COL19A1: variants seen among roughly 807,000 people sequenced by gnomAD.
COL19A1 encodes the protein collagen type XIX alpha 1 chain, also known as collagen alpha-1(XIX) chain.
In COL19A1, 159 loss-of-function variants were observed where a neutral mutation model predicts 190.2. That is an observed-to-expected ratio of 0.84 (90% confidence interval 0.73 to 0.95). The LOEUF (loss-of-function observed/expected upper bound fraction) is 0.95, where lower values mean the gene tolerates loss of function less well. Ranked by LOEUF, COL19A1 falls within the 40% of genes least tolerant of loss-of-function variation. The probability of loss-of-function intolerance (pLI) is 0.00; values close to 1 mark genes in which losing one functional copy is unlikely to be tolerated. For missense variants in COL19A1, 1,418 were observed against 1,431.9 expected (o/e 0.99, Z 0.16); for synonymous variants, 509 against 458.9 (o/e 1.11, Z -1.39).
At chr6:70,066,435 C>T (rs1315881024) in intron 14 of COL19A1, among the ~76,000 whole-genome samples, 2 of 150,824 alleles carry the variant, frequency 1.3e-5, no homozygotes, top group Non-Finnish European at 3.0e-5. Context: ...AACATCACAC[C>T]TGGGTCCTGT....
chr6:70,114,413 C>T (rs1042570166), intron 16 of COL19A1, among the ~76,000 whole-genome samples: 18 of 152,144 alleles, frequency 1.2e-4, no homozygotes, highest in Admixed American at 9.2e-4. Flanking sequence ...TTTATATGAC[C>T]TTGAGTCAGA....
chr6:69,935,062 C>G (rs564603070), intron 7 of COL19A1, among the ~76,000 whole-genome samples: 1 of 152,040 alleles, frequency 6.6e-6, no homozygotes, highest in African/African-American at 2.4e-5. Context: ...TATAAAGATG[C>G]TTCTTTGTTT....
At chr6:69,908,227 G>C (rs1035619289) in intron 4 of COL19A1, among the ~76,000 whole-genome samples, 17 of 152,136 alleles carry the variant, frequency 1.1e-4, no homozygotes, top group Admixed American at 9.8e-4. Flanking sequence ...CTCTGATATC[G>C]AAGTGTCTCC....
intron 12 of COL19A1, among the ~76,000 whole-genome samples, chr6:70,024,587 G>GTC (rs1049252383): frequency 7.3e-6 from 1 of 136,116 alleles, no homozygotes; most frequent in African/African-American, 2.9e-5. Context: ...AAAGTCGTGT[G>GTC]TGTGTGTGTG....
chr6:70,062,196 G>A (rs1477882014), intron 14 of COL19A1, among the ~76,000 whole-genome samples: 1 of 151,642 alleles, frequency 6.6e-6, no homozygotes, highest in East Asian at 1.9e-4. Flanking sequence ...AAGATTTGGG[G>A]GAACAGTGAG....
At chr6:70,188,718 G>A (rs1387556994) in intron 47 of COL19A1, among the ~76,000 whole-genome samples, 1 of 152,142 alleles carries the variant, frequency 6.6e-6, no homozygotes, top group Non-Finnish European at 1.5e-5. Context: ...CATGAGTAGT[G>A]CCTTGAAGTA....
At chr6:69,873,251 C>G (rs1185299818) in intron 1 of COL19A1, among the ~76,000 whole-genome samples, 1 of 149,888 alleles carries the variant, frequency 6.7e-6, no homozygotes, top group African/African-American at 2.5e-5. Context: ...CTGAAATTCC[C>G]TGAAAAAAAA....
At chr6:69,881,438 A>G (rs1406484332) in intron 2 of COL19A1, among the ~76,000 whole-genome samples, 1 of 152,210 alleles carries the variant, frequency 6.6e-6, no homozygotes, top group Non-Finnish European at 1.5e-5. Context: ...ATAACACAGT[A>G]CTGTTAATTA....
At chr6:70,175,007 A>G (rs1336795096) in intron 41 of COL19A1, among the ~76,000 whole-genome samples, 1 of 152,234 alleles carries the variant, frequency 6.6e-6, no homozygotes, top group Non-Finnish European at 1.5e-5. Flanking sequence ...AATAGTGGTT[A>G]AGGAATGAGA....
At chr6:69,931,388 G>A (rs140001569) in intron 6 of COL19A1, among the ~76,000 whole-genome samples, 26 of 152,226 alleles carry the variant, frequency 1.7e-4, no homozygotes, top group African/African-American at 5.8e-4. Context: ...TCATTTCAAT[G>A]TCATGGAACT....
chr6:70,099,746 G>C (rs942706088), intron 15 of COL19A1, among the ~76,000 whole-genome samples: 1 of 152,176 alleles, frequency 6.6e-6, no homozygotes, highest in African/African-American at 2.4e-5. Context: ...GAAAATATGT[G>C]CTGGCCAAAG....
At chr6:69,877,177 C>T (rs1768179640) in intron 1 of COL19A1, among the ~76,000 whole-genome samples, 1 of 152,144 alleles carries the variant, frequency 6.6e-6, no homozygotes, top group South Asian at 2.1e-4. Context: ...CATTTATTTG[C>T]ATATTTAGAC....
At chr6:69,972,999 T>A (rs1371115991) in intron 11 of COL19A1, among the ~76,000 whole-genome samples, 1 of 152,240 alleles carries the variant, frequency 6.6e-6, no homozygotes, top group Non-Finnish European at 1.5e-5. Context: ...ATTCACTCAA[T>A]ATTTTATGTA....
At chr6:69,891,413 G>A (rs1266618678) in intron 2 of COL19A1, among the ~76,000 whole-genome samples, 2 of 152,130 alleles carry the variant, frequency 1.3e-5, no homozygotes, top group African/African-American at 4.8e-5. Context: ...AGGAAAATAA[G>A]AGGGCACCTT....
intron 11 of COL19A1, among the ~76,000 whole-genome samples, chr6:70,007,638 A>C (rs1777713555): frequency 6.6e-6 from 1 of 152,008 alleles, no homozygotes; most frequent in African/African-American, 2.4e-5. Context: ...ATTAGAAAGA[A>C]GCAATTAACA....
At chr6:69,954,908 G>A (rs552710700) in intron 9 of COL19A1, among the ~76,000 whole-genome samples, 3 of 152,126 alleles carry the variant, frequency 2.0e-5, no homozygotes, top group Non-Finnish European at 2.9e-5. Context: ...AATACTCCAG[G>A]CAGGAAATAG....
At chr6:69,995,236 A>G (rs924115173) in intron 11 of COL19A1, among the ~76,000 whole-genome samples, 1 of 152,192 alleles carries the variant, frequency 6.6e-6, no homozygotes, top group Non-Finnish European at 1.5e-5. Flanking sequence ...TAGTATTTAT[A>G]GAAGTTATGG....
chr6:70,121,542 A>G (rs915009574), intron 16 of COL19A1, among the ~76,000 whole-genome samples: 1 of 152,202 alleles, frequency 6.6e-6, no homozygotes, highest in Non-Finnish European at 1.5e-5. Flanking sequence ...AGAAGTGCCA[A>G]AAATAAACTG....
At chr6:70,111,256 C>A (rs1027901116) in intron 16 of COL19A1, among the ~76,000 whole-genome samples, 4 of 152,124 alleles carry the variant, frequency 2.6e-5, no homozygotes, top group Non-Finnish European at 4.4e-5. Context: ...TCAGTTTTCT[C>A]TGCACATCAG....
Sources: allele counts gnomAD v4.1 joint callset (sites outside exome capture counted in the v4.1 genomes callset), GRCh38; gene constraint gnomAD v4.1.1; transcripts MANE v1.5; gene names NCBI Gene and HGNC (gene_info 2026-07-23, HGNC 2026-07-21).